TMEM117: variants seen among roughly 807,000 people sequenced by gnomAD.
TMEM117 encodes transmembrane protein 117.
In TMEM117, 27 loss-of-function variants were observed where a neutral mutation model predicts 52.4. The observed-to-expected ratio is 0.51, with a 90% confidence interval of 0.38 to 0.71. The LOEUF is 0.71. TMEM117 is among the 30% of genes least tolerant of loss of function. The pLI is 0.00. For missense variants in TMEM117, 556 were observed against 630.5 expected (o/e 0.88, Z 1.26); for synonymous variants, 215 against 206.3 (o/e 1.04, Z -0.36).
At chr12:44,209,415 CAAG>C (rs1278911740) in intron 4 of TMEM117, among the ~76,000 whole-genome samples, 2 of 151,936 alleles carry the variant, frequency 1.3e-5, no homozygotes, top group Non-Finnish European at 2.9e-5. Context: ...TTAAAAGGAT[CAAG>C]AAGAAAATAA....
the TMEM117 span, among the ~76,000 whole-genome samples, chr12:43,813,534 G>C: frequency 6.6e-6 from 1 of 151,812 alleles, no homozygotes; most frequent in African/African-American, 2.4e-5. Context: ...GCCCTGAACT[G>C]GTTTTCTTTC....
chr12:44,122,043 C>T lies in TMEM117; in HGVS notation c.411-21482C>T, dbSNP rs895154974. On this transcript the variant is annotated intron_variant, in intron 3 of 7. Coordinates refer to ENST00000266534, the MANE Select transcript of TMEM117 (RefSeq NM_032256.3). ...GCAAAGGACATGATTTCATTCTTTT[C>T]TTTTCTTTTTTTTTTTTTTTGAGAC... Among the ~76,000 whole-genome samples, 85 of 139,618 alleles carry T rather than the reference C, an allele frequency of 6.1e-4. 1 individual carries two copies. Among genetic ancestry groups the T allele is most frequent in the Admixed American group, 1.9e-3 (28 of 14,676 alleles). 91.6% of individuals were successfully genotyped at this position (139,618 alleles called of 152,430 possible).
intron 6 of TMEM117, among the ~76,000 whole-genome samples, chr12:44,352,362 G>A (rs1353485517): frequency 4.6e-5 from 7 of 151,938 alleles, no homozygotes; most frequent in Non-Finnish European, 7.4e-5. Context: ...TGTTACATAC[G>A]TATACCTGTG....
chr12:43,820,012 AAAG>A, the TMEM117 span, among the ~76,000 whole-genome samples: 86 of 152,370 alleles, frequency 5.6e-4, 2 homozygotes, highest in South Asian at 0.017. Context: ...CTTGTAAAAA[AAAG>A]AGAAAAGAAA....
chr12:43,871,373 G>A (rs1943702673), intron 2 of TMEM117, among the ~76,000 whole-genome samples: 1 of 152,208 alleles, frequency 6.6e-6, no homozygotes, highest in African/African-American at 2.4e-5. Flanking sequence ...CAAAGTACTA[G>A]GATTGCAGGC....
chr12:44,124,780 T>A (rs1327733291), intron 3 of TMEM117, among the ~76,000 whole-genome samples: 1 of 152,236 alleles, frequency 6.6e-6, no homozygotes, highest in African/African-American at 2.4e-5. Flanking sequence ...ATAAGTTTTT[T>A]ATGTGCTGCT....
chr12:44,103,599 T>G (rs985572971), intron 3 of TMEM117, among the ~76,000 whole-genome samples: 3 of 152,142 alleles, frequency 2.0e-5, no homozygotes, highest in African/African-American at 7.2e-5. Flanking sequence ...CTTTTTAATG[T>G]TTAGCCTTTT....
At chr12:44,175,946 G>A (rs746654070) in intron 4 of TMEM117, among the ~76,000 whole-genome samples, 14 of 152,170 alleles carry the variant, frequency 9.2e-5, no homozygotes, top group Admixed American at 2.0e-4. Context: ...AAATAATCTG[G>A]AGACAGGTTA....
chr12:43,998,855 G>T (rs998747911), intron 3 of TMEM117, among the ~76,000 whole-genome samples: 1 of 152,056 alleles, frequency 6.6e-6, no homozygotes, highest in Non-Finnish European at 1.5e-5. Flanking sequence ...AAACAAATCA[G>T]TAAGAAAAAA....
At chr12:43,949,917 C>T (rs1945192973) in intron 3 of TMEM117, among the ~76,000 whole-genome samples, 1 of 152,154 alleles carries the variant, frequency 6.6e-6, no homozygotes, top group African/African-American at 2.4e-5. Context: ...AAAACATCCC[C>T]AGCTATTCTC....
intron 3 of TMEM117, among the ~76,000 whole-genome samples, chr12:44,083,980 T>C (rs1423309749): frequency 6.6e-6 from 1 of 152,190 alleles, no homozygotes; most frequent in Non-Finnish European, 1.5e-5. Flanking sequence ...AAGCAAAATA[T>C]TTTGAGCACA....
intron 2 of TMEM117, among the ~76,000 whole-genome samples, chr12:43,855,815 A>T (rs182692852): frequency 1.3e-5 from 2 of 152,264 alleles, no homozygotes; most frequent in African/African-American, 4.8e-5. Context: ...CTTAGTTTGA[A>T]TTTTTTTGGT....
At position 44,090,839 on chromosome 12, in the gene TMEM117, G is replaced by GTTTTTTTTTTT. The variant is rs1264179472; in HGVS notation, c.411-52677_411-52676insTTTTTTTTTTT. Among the ~76,000 whole-genome samples the GTTTTTTTTTTT allele has an allele frequency of 1.1e-3, 113 of 104,746 alleles. 13 individuals carry two copies. Among genetic ancestry groups the GTTTTTTTTTTT allele is most frequent in the African/African-American group, 4.2e-3 (93 of 22,114 alleles). 68.7% of individuals were successfully genotyped at this position (104,746 alleles called of 152,430 possible). Reference sequence around the variant, plus strand: ...CTAATTCTTAATCCTGTATTTATGTGTTTTTTTTTGTTTTTTTTTTTTTTT... The same window carrying GTTTTTTTTTTT: ...CTAATTCTTAATCCTGTATTTATGTGTTTTTTTTTTTTTTTTTTTTGTTTTTTTTTTTTTTT... On this transcript the variant is annotated intron_variant, in intron 3 of 7. Coordinates refer to ENST00000266534, the MANE Select transcript of TMEM117 (RefSeq NM_032256.3).
At chr12:44,153,823 A>G (rs1374708174) in intron 4 of TMEM117, among the ~76,000 whole-genome samples, 1 of 152,032 alleles carries the variant, frequency 6.6e-6, no homozygotes, top group African/African-American at 2.4e-5. Context: ...AACATCAGAA[A>G]GAGATTTATA....
chr12:43,820,728 T>G, the TMEM117 span, among the ~76,000 whole-genome samples: 1 of 152,192 alleles, frequency 6.6e-6, no homozygotes, highest in Non-Finnish European at 1.5e-5. Flanking sequence ...CACTGCTTAC[T>G]CACAAATAGA....
chr12:43,898,451 C>T (rs1592344553), intron 2 of TMEM117, among the ~76,000 whole-genome samples: 1 of 151,304 alleles, frequency 6.6e-6, no homozygotes, highest in Admixed American at 6.6e-5. Context: ...TTAATAGACC[C>T]TTTCTATTAA....
At chr12:43,863,940 C>T (rs970894519) in intron 2 of TMEM117, among the ~76,000 whole-genome samples, 17 of 152,318 alleles carry the variant, frequency 1.1e-4, no homozygotes, top group Middle Eastern at 3.4e-3. Context: ...CCGGCGCTTG[C>T]GGGCCAGCTA....
intron 6 of TMEM117, among the ~76,000 whole-genome samples, chr12:44,359,556 A>C (rs947490837): frequency 1.3e-5 from 2 of 152,032 alleles, no homozygotes; most frequent in African/African-American, 4.8e-5. Context: ...ATAAACCATA[A>C]TTTGTTTTAC....
At chr12:43,929,236 A>G (rs1187103682) in intron 2 of TMEM117, among the ~76,000 whole-genome samples, 1 of 151,962 alleles carries the variant, frequency 6.6e-6, no homozygotes, top group African/African-American at 2.4e-5. Context: ...CTAGTTTTTT[A>G]TTTACCTTCT....
Sources: gnomAD v4.1 joint callset for allele counts (sites outside exome capture counted in the v4.1 genomes callset) on GRCh38, gnomAD v4.1.1 for gene constraint, MANE v1.5 for transcripts, NCBI Gene and HGNC (gene_info 2026-07-23, HGNC 2026-07-21) for gene names.